The following KIF18A variants were observed in gnomAD, a reference collection of about 807,000 sequenced individuals.
KIF18A encodes the protein kinesin-like protein KIF18A.
Under a neutral mutation model 103.3 loss-of-function variants are expected in KIF18A, and 67 were observed. The observed-to-expected ratio is 0.65, with a 90% CI of 0.53 to 0.79. The LOEUF (loss-of-function observed/expected upper bound fraction) is 0.79, where lower values mean the gene tolerates loss of function less well. Among genes scored for constraint, KIF18A ranks in the 30% least tolerant of loss-of-function variants. The pLI, the probability that KIF18A is intolerant of heterozygous loss-of-function variation, is 0.00. For missense variants in KIF18A, 1,032 were observed against 1,062.5 expected (o/e 0.97, Z 0.40); for synonymous variants, 367 against 355.5 (o/e 1.03, Z -0.36).
chr11:28,103,149 C>G (rs1851466409), intron 1 of KIF18A, among the ~76,000 whole-genome samples: 2 of 151,926 alleles, frequency 1.3e-5, no homozygotes, highest in Non-Finnish European at 2.9e-5. Context: ...ACATGAAAGA[C>G]AAATACTTCC....
chr11:28,026,436 T>C (rs1160089283), intron 15 of KIF18A, among the ~76,000 whole-genome samples: 3 of 151,814 alleles, frequency 2.0e-5, no homozygotes, highest in Admixed American at 6.6e-5. Flanking sequence ...AGTAATCATG[T>C]ACATTTCTAG....
At chr11:28,042,134 C>T (rs933248780) in intron 13 of KIF18A, among the ~76,000 whole-genome samples, 11 of 150,834 alleles carry the variant, frequency 7.3e-5, no homozygotes, top group African/African-American at 2.2e-4. Flanking sequence ...TATTCAGAGA[C>T]GATGAGTGTT....
chr11:28,058,268 C>A (rs1404953), intron 13 of KIF18A, among the ~76,000 whole-genome samples: 1 of 151,846 alleles, frequency 6.6e-6, no homozygotes, highest in Non-Finnish European at 1.5e-5. Flanking sequence ...AGATTATTAT[C>A]ATAAAATATG....
At chr11:28,094,609 C>A (rs1442741127) in intron 3 of KIF18A, 34 bp downstream of exon 3, 1 of 1,493,192 alleles carries the variant, frequency 6.7e-7, no homozygotes. Context: ...AATGATTTCC[C>A]AAAACTATTG....
In KIF18A at chr11:28,035,479, T is replaced by C. The variant is rs779538233; in HGVS notation, c.2412A>G (p.Ser804=). The C allele has an allele frequency of 1.8e-5, 28 of 1,589,592 alleles. No individual in the cohort carries two copies. The highest frequency in any genetic ancestry group is 2.4e-5 in the Non-Finnish European group (28 of 1,165,534). ...KDILQRLDPS[S]FSTKHSMPVP... ...CAGGCATAGAATGCTTAGTTGAGAA[T>C]GAAGAAGGATCAAGCCTGTATATTA... The change falls in exon 15 of 17, where the codon TCA becomes TCG. Residue 804 remains serine (S), a synonymous_variant. Coordinates refer to ENST00000263181, the MANE Select transcript of KIF18A (RefSeq NM_031217.4).
chr11:28,095,871 G>T (rs181572717), intron 2 of KIF18A, among the ~76,000 whole-genome samples: 2 of 151,626 alleles, frequency 1.3e-5, no homozygotes, highest in South Asian at 4.2e-4. Context: ...AATTAGCTGA[G>T]GGCAGTGGCT....
chr11:28,086,396 T>C (rs1851228588), intron 6 of KIF18A, among the ~76,000 whole-genome samples: 1 of 152,212 alleles, frequency 6.6e-6, no homozygotes, highest in South Asian at 2.1e-4. Context: ...GATTTTCTTT[T>C]ACCTAAAAAG....
intron 12 of KIF18A, among the ~76,000 whole-genome samples, chr11:28,060,275 A>G (rs1386766292): frequency 1.3e-5 from 2 of 152,228 alleles, no homozygotes; most frequent in Non-Finnish European, 2.9e-5. Flanking sequence ...GAGTCCATCA[A>G]TAGATGATGT....
At chr11:28,044,542 GAT>G (rs1850604111) in intron 13 of KIF18A, among the ~76,000 whole-genome samples, 1 of 152,028 alleles carries the variant, frequency 6.6e-6, no homozygotes, top group Non-Finnish European at 1.5e-5. Context: ...TGCGTTTCAG[GAT>G]AAAGTGGCGA....
rs761466960 is a variant in KIF18A, at chr11:28,036,294, A to G, written c.2319T>C (p.Cys773=). The change falls in exon 14 of 17, where the codon TGT becomes TGC. Residue 773 remains cysteine (C), a synonymous_variant. Coordinates refer to ENST00000263181, the MANE Select transcript of KIF18A (RefSeq NM_031217.4). ...QEDLDSTFTI[C]EDIKSSKCKL... Reference sequence around the variant, plus strand: ...TACACTTCGAGCTCTTGATGTCTTCACATATAGTAAATGTAGAGTCCAAGT... The same window carrying G: ...TACACTTCGAGCTCTTGATGTCTTCGCATATAGTAAATGTAGAGTCCAAGT... 2 of 1,610,384 alleles carry G rather than the reference A, an allele frequency of 1.2e-6. No homozygotes were observed. Among genetic ancestry groups the G allele is most frequent in the African/African-American group, 2.7e-5 (2 of 74,674 alleles).
chr11:28,062,599 C>T, intron 11 of KIF18A, 83 bp from the exon 12 acceptor site: 5 of 1,050,200 alleles, frequency 4.8e-6, no homozygotes, highest in Non-Finnish European at 6.4e-6. Flanking sequence ...ATATTGTTGC[C>T]AATAGTTTTA....
chr11:28,096,864 A>ATCTC lies in KIF18A; in HGVS notation c.325+755_325+758dup, dbSNP rs4029361. 2.0e-4 allele frequency among the ~76,000 whole-genome samples: 30 copies of ATCTC among 147,916 alleles called. 1 individual carries two copies. The highest frequency in any genetic ancestry group is 6.9e-4 in the African/African-American group (28 of 40,548). On this transcript the variant is annotated intron_variant, in intron 2 of 16. Transcript: ENST00000263181. ...AAACTGGCCATTTTGCATCTTGGGTATCTCTCTCTCTCTCTCTCTTTTTTT... is the reference window on the plus strand; with the variant it reads ...AAACTGGCCATTTTGCATCTTGGGTATCTCTCTCTCTCTCTCTCTCTCTTTTTTT...
chr11:28,085,534 G>T (rs1408825191), intron 6 of KIF18A, among the ~76,000 whole-genome samples: 1 of 152,150 alleles, frequency 6.6e-6, no homozygotes, highest in Non-Finnish European at 1.5e-5. Context: ...AAACACGGAT[G>T]TATGCGCCAT....
intron 10 of KIF18A, among the ~76,000 whole-genome samples, chr11:28,075,271 A>G (rs1042043818): frequency 6.6e-6 from 1 of 152,272 alleles, no homozygotes; most frequent in East Asian, 1.9e-4. Context: ...AAGCATAAAC[A>G]TAAGAGCACA....
At chr11:28,098,735 T>G (rs539978058) in intron 1 of KIF18A, among the ~76,000 whole-genome samples, 10 of 152,232 alleles carry the variant, frequency 6.6e-5, no homozygotes, top group African/African-American at 2.4e-4. Flanking sequence ...TATGGTCTGA[T>G]TTTATGACTG....
At chr11:28,051,856 C>A (rs544516512) in intron 13 of KIF18A, among the ~76,000 whole-genome samples, 27 of 152,058 alleles carry the variant, frequency 1.8e-4, no homozygotes, top group Non-Finnish European at 3.8e-4. Context: ...GATGTCTCCA[C>A]TTGGATGTAT....
chr11:28,056,486 A>G (rs1446399356), intron 13 of KIF18A, among the ~76,000 whole-genome samples: 1 of 152,134 alleles, frequency 6.6e-6, no homozygotes, highest in African/African-American at 2.4e-5. Context: ...GCCATGCAAT[A>G]TAATTGGAGT....
intron 13 of KIF18A, among the ~76,000 whole-genome samples, chr11:28,043,127 C>T (rs543335544): frequency 6.6e-5 from 10 of 151,848 alleles, no homozygotes; most frequent in South Asian, 2.1e-4. Flanking sequence ...CTAAAAGTAG[C>T]GCTAAGAGGC....
chr11:28,036,770 C>A, intron 13 of KIF18A, 106 bp from the exon 14 acceptor site: 27 of 600,286 alleles, frequency 4.5e-5, no homozygotes, highest in Middle Eastern at 4.9e-4. Context: ...TATTTTTATG[C>A]CAATTGATAA....
Sources: allele counts gnomAD v4.1 joint callset (sites outside exome capture counted in the v4.1 genomes callset), GRCh38; gene constraint gnomAD v4.1.1; transcripts MANE v1.5; gene names NCBI Gene and HGNC (gene_info 2026-07-23, HGNC 2026-07-21).